The following ASZ1 variants were observed in gnomAD, a reference collection of about 807,000 sequenced individuals.
ASZ1 encodes the protein ankyrin repeat, SAM and basic leucine zipper domain-containing protein 1.
Under a neutral mutation model 61.8 loss-of-function variants are expected in ASZ1, and 67 were observed. That is an observed-to-expected ratio of 1.08 (90% confidence interval 0.89 to 1.33). The LOEUF (loss-of-function observed/expected upper bound fraction) is 1.33, where lower values mean the gene tolerates loss of function less well. Among genes scored for constraint, ASZ1 ranks in the 40% most tolerant of loss-of-function variants. ASZ1 has a pLI of 0.00. For missense variants in ASZ1, 577 were observed against 554.5 expected (o/e 1.04, Z -0.41); for synonymous variants, 193 against 192.7 (o/e 1.00, Z -0.01).
rs769135177 is a variant in ASZ1, at chr7:117,420,191, T to C, written c.412A>G (p.Arg138Gly). 2 of 1,611,524 alleles carry C rather than the reference T, an allele frequency of 1.2e-6. No individual in the cohort carries two copies. Among genetic ancestry groups the C allele is most frequent in the Non-Finnish European group, 8.5e-7 (1 of 1,179,158 alleles). The change falls in exon 4 of 13, where the codon AGA becomes GGA. Residue 138 changes from arginine (R) to glycine (G), a missense_variant. Physicochemically the swap from Arg to Gly is moderately radical, Grantham distance 125. Transcript: ENST00000284629. The part of the protein sequence containing the change: ...ILKCVELLLS[R>G]NADPNVACRR... The stretch of plus-strand genomic sequence containing the variant: ...CAAGCAACATTTGGATCAGCATTTC[T>C]TGAAAGTAGTAGTTCTACACACTTC...
intron 4 of ASZ1, among the ~76,000 whole-genome samples, chr7:117,396,326 C>T (rs1215346476): frequency 2.0e-5 from 3 of 152,122 alleles, no homozygotes; most frequent in Admixed American, 1.3e-4. Context: ...AATGGTAAAA[C>T]TAAAAGTGCT....
At chr7:117,391,332 G>T (rs1173008923) in intron 4 of ASZ1, among the ~76,000 whole-genome samples, 1 of 152,024 alleles carries the variant, frequency 6.6e-6, no homozygotes, top group Non-Finnish European at 1.5e-5. Context: ...GTCAAATTTT[G>T]TTTTTGTTGC....
At chr7:117,401,612 A>T (rs1325675950) in intron 4 of ASZ1, among the ~76,000 whole-genome samples, 1 of 152,200 alleles carries the variant, frequency 6.6e-6, no homozygotes, top group African/African-American at 2.4e-5. Flanking sequence ...CATGAGTGAC[A>T]GGCTGGACAA....
At chr7:117,396,023 C>G (rs1352659881) in intron 4 of ASZ1, among the ~76,000 whole-genome samples, 1 of 152,168 alleles carries the variant, frequency 6.6e-6, no homozygotes, top group Non-Finnish European at 1.5e-5. Context: ...GAATGTTAAG[C>G]TGTGGAGTCA....
chr7:117,419,154 G>A (rs1797053607), intron 4 of ASZ1, among the ~76,000 whole-genome samples: 1 of 152,018 alleles, frequency 6.6e-6, no homozygotes, highest in Non-Finnish European at 1.5e-5. Context: ...GGGATGTTCA[G>A]CAGCATCCCT....
chr7:117,416,593 A>G (rs529783534), intron 4 of ASZ1, among the ~76,000 whole-genome samples: 24 of 152,320 alleles, frequency 1.6e-4, no homozygotes, highest in African/African-American at 4.3e-4. Context: ...CAAGATCCGG[A>G]TCACATGGTT....
chr7:117,368,819 C>A (rs1795994358), intron 10 of ASZ1, 102 bp from the exon 11 acceptor site: 1 of 1,552,780 alleles, frequency 6.4e-7, no homozygotes, highest in South Asian at 1.2e-5. Context: ...AAATTAGATT[C>A]TTCCAAAAGA....
Position 117,420,148 on chromosome 7 carries a change from T to TA in ASZ1, c.440+14dup. Reference sequence around the variant, plus strand: ...TAATTTGACTTGAATTTTGAACAGATATAAAGGCTCTTACCTACAAGCAAC... The same window carrying TA: ...TAATTTGACTTGAATTTTGAACAGATAATAAAGGCTCTTACCTACAAGCAAC... On this transcript the variant is annotated intron_variant, in intron 4 of 12. Transcript: ENST00000284629. The TA allele has an allele frequency of 1.3e-6, 2 of 1,584,180 alleles. No homozygotes were observed. Among genetic ancestry groups the TA allele is most frequent in the Non-Finnish European group, 1.7e-6 (2 of 1,159,304 alleles).
At position 117,426,817 on chromosome 7, in the gene ASZ1, A is replaced by C. The variant is rs201764626; in HGVS notation, c.205+19T>G. On this transcript the variant is annotated intron_variant, in intron 2 of 12. Coordinates refer to ENST00000284629, the MANE Select transcript of ASZ1 (RefSeq NM_130768.3). ...CTTAAGACAGCTGTGTTCAGATGAAACTGTCCCTTATCTCTCACCAGAATC... is the reference window on the plus strand; with the variant it reads ...CTTAAGACAGCTGTGTTCAGATGAACCTGTCCCTTATCTCTCACCAGAATC... 1.3e-5 allele frequency: 20 copies of C among 1,576,318 alleles called. No homozygotes were observed. In the Admixed American group the frequency reaches 2.9e-4, roughly 23 times the overall value.
At chr7:117,379,164 TATATACAC>T (rs1271489617) in intron 10 of ASZ1, among the ~76,000 whole-genome samples, 25 of 59,494 alleles carry the variant, frequency 4.2e-4, no homozygotes, top group African/African-American at 2.2e-3. Flanking sequence ...TATATATATA[TATATACAC>T]ACACACACAC....
intron 4 of ASZ1, among the ~76,000 whole-genome samples, chr7:117,390,952 T>C (rs1214545701): frequency 1.3e-5 from 2 of 152,180 alleles, no homozygotes; most frequent in Admixed American, 6.5e-5. Context: ...TCCACCTTCC[T>C]TGGCCTCCCA....
At position 117,427,089 on chromosome 7, in the gene ASZ1, T is replaced by G. The variant is rs373027049; in HGVS notation, c.106-154A>C. Among the ~76,000 whole-genome samples, 17 of 152,302 alleles carry G rather than the reference T, an allele frequency of 1.1e-4. No individual in the cohort carries two copies. In the East Asian group the frequency reaches 2.3e-3, roughly 21 times the overall value. On this transcript the variant is annotated intron_variant, in intron 1 of 12. Coordinates refer to ENST00000284629, the MANE Select transcript of ASZ1 (RefSeq NM_130768.3). ...TTTGAAAAGAATTCGTGTCGAAAAT[T>G]ATCTTTCAAGGGAATAGGTAATGAT...
At position 117,420,162 on chromosome 7, in the gene ASZ1, C is replaced by T; in HGVS notation, c.440+1G>A. 6.2e-7 allele frequency: 1 copy of T among 1,605,792 alleles called. No individual in the cohort carries two copies. Among genetic ancestry groups the T allele is most frequent in the Non-Finnish European group, 8.5e-7 (1 of 1,175,922 alleles). ...TTTTGAACAGATATAAAGGCTCTTA[C>T]CTACAAGCAACATTTGGATCAGCAT... On this transcript the variant is annotated splice_donor_variant, in intron 4 of 12. Coordinates refer to ENST00000284629, the MANE Select transcript of ASZ1 (RefSeq NM_130768.3). LOFTEE classifies it high-confidence loss of function.
chr7:117,425,363 T>C (rs1384507394), intron 2 of ASZ1, among the ~76,000 whole-genome samples: 1 of 146,976 alleles, frequency 6.8e-6, no homozygotes, highest in African/African-American at 2.5e-5. Context: ...CCTCCCGGGT[T>C]CACGCCATTC....
At chr7:117,412,040 G>C (rs1796904264) in intron 4 of ASZ1, among the ~76,000 whole-genome samples, 1 of 72,924 alleles carries the variant, frequency 1.4e-5, no homozygotes, top group Non-Finnish European at 2.5e-5. Context: ...GTGAAAAGAA[G>C]TGTGTGTGTG....
At chr7:117,398,031 C>T (rs1584732482) in intron 4 of ASZ1, among the ~76,000 whole-genome samples, 1 of 152,250 alleles carries the variant, frequency 6.6e-6, no homozygotes, top group African/African-American at 2.4e-5. Flanking sequence ...AGCAGGGCCC[C>T]TGAACCACAA....
chr7:117,384,296 G>C (rs954644854), intron 6 of ASZ1, among the ~76,000 whole-genome samples: 1 of 152,058 alleles, frequency 6.6e-6, no homozygotes, highest in African/African-American at 2.4e-5. Flanking sequence ...ACATATAAGA[G>C]CAAATGTTGT....
At position 117,393,155 on chromosome 7, in the gene ASZ1, T is replaced by TAA. The variant is rs150356189; in HGVS notation, c.441-7348_441-7347dup. ...AGCCACTGAGCCTAGCTGGGTAGCA[T>TAA]AAAAAAAAAAAATTCTTAAAAGACT... On this transcript the variant is annotated intron_variant, in intron 4 of 12. Transcript: ENST00000284629. Among the ~76,000 whole-genome samples the TAA allele has an allele frequency of 8.1e-3, 1,188 of 146,010 alleles. 19 individuals are homozygous for TAA. The highest frequency in any genetic ancestry group is 0.028 in the African/African-American group (1,125 of 40,048).
intron 4 of ASZ1, among the ~76,000 whole-genome samples, chr7:117,389,985 CT>C (rs1796432487): frequency 6.6e-6 from 1 of 152,032 alleles, no homozygotes; most frequent in South Asian, 2.1e-4. Flanking sequence ...ATTTGGTTTC[CT>C]TTTTTCTTTT....
Sources: gnomAD v4.1 joint callset for allele counts (sites outside exome capture counted in the v4.1 genomes callset) on GRCh38, gnomAD v4.1.1 for gene constraint, MANE v1.5 for transcripts, NCBI Gene and HGNC (gene_info 2026-07-23, HGNC 2026-07-21) for gene names.